Variants in KIF1A observed in about 807,000 individuals in gnomAD.
KIF1A encodes the protein kinesin family member 1A, also known as kinesin-like protein KIF1A.
Under a neutral mutation model 227.3 loss-of-function variants are expected in KIF1A, and 46 were observed. The ratio of observed to expected loss-of-function variants is 0.20; its 90% confidence interval spans 0.16 to 0.26. The LOEUF (loss-of-function observed/expected upper bound fraction) is 0.26, where lower values mean the gene tolerates loss of function less well. KIF1A is among the 10% of genes least tolerant of loss of function. The probability of loss-of-function intolerance (pLI) is 1.00; values close to 1 mark genes in which losing one functional copy is unlikely to be tolerated. For missense variants in KIF1A, 1,683 were observed against 2,485.9 expected, an observed-to-expected ratio of 0.68 and a Z score of 6.87; for synonymous variants, 1,022 against 1,012.8, an observed-to-expected ratio of 1.01 and a Z score of -0.17.
chr2:240,794,254 A>G (rs1053522956), intron 2 of KIF1A, among the ~76,000 whole-genome samples: 2 of 152,216 alleles, frequency 1.3e-5, no homozygotes, highest in African/African-American at 4.8e-5. Context: ...CATAGCTTCC[A>G]GCACTTTCTT....
chr2:240,750,292 G>C (rs529005077), intron 28 of KIF1A, 137 bp downstream of exon 28: 4 of 642,854 alleles, frequency 6.2e-6, no homozygotes, highest in Admixed American at 2.6e-5. Context: ...GGAGAGTGGA[G>C]GGCCAGCTGA....
chr2:240,768,534 C>G (rs2125933663), intron 17 of KIF1A, among the ~76,000 whole-genome samples: 1 of 152,260 alleles, frequency 6.6e-6, no homozygotes, highest in South Asian at 2.1e-4. Context: ...ACAAGAAAGA[C>G]TTTTTCCCAA....
At position 240,758,407 on chromosome 2, in the gene KIF1A, G is replaced by A. The variant is rs774481344; in HGVS notation, c.2535C>T (p.Gly845=). The change falls in exon 26 of 49, where the codon GGC becomes GGT. Residue 845 remains glycine, a synonymous_variant. Coordinates refer to ENST00000498729, the MANE Select transcript of KIF1A (RefSeq NM_001244008.2). This position sits in a 1 kb window ranked among gnomAD's most constrained non-coding sequence, Gnocchi z 5.2. Reference sequence around the variant, plus strand: ...GGAAGCGGTCATAGAAGGGGTCTCCGCCGGTCACCACGTTGTCACAGTCCT... The same window carrying A: ...GGAAGCGGTCATAGAAGGGGTCTCCACCGGTCACCACGTTGTCACAGTCCT... ...VIEDCDNVVT[G]GDPFYDRFPW... is the part of the protein sequence containing the mutation. The A allele has an allele frequency of 1.9e-5, 31 of 1,612,804 alleles. No homozygotes were observed. Among genetic ancestry groups the A allele is most frequent in the Admixed American group, 1.2e-4 (7 of 59,884 alleles).
At chr2:240,773,750 A>C (rs1189496216) in intron 12 of KIF1A, among the ~76,000 whole-genome samples, 5 of 152,126 alleles carry the variant, frequency 3.3e-5, no homozygotes, top group African/African-American at 7.2e-5. Context: ...GAAGGGAGAG[A>C]CCACTGACCC....
intron 28 of KIF1A, among the ~76,000 whole-genome samples, chr2:240,749,231 G>T (rs2048940417): frequency 6.6e-6 from 1 of 152,194 alleles, no homozygotes; most frequent in Admixed American, 6.5e-5. Flanking sequence ...AAGGCAGCCA[G>T]GATAGCAGAG....
At chr2:240,733,170 A>G (rs79161829) in intron 38 of KIF1A, among the ~76,000 whole-genome samples, 6,896 of 152,074 alleles carry the variant, frequency 0.045, 224 homozygotes, top group South Asian at 0.079. Flanking sequence ...TGAAAGATCA[A>G]TGAGTGCGTG....
At chr2:240,784,909 C>A in intron 7 of KIF1A, 80 bp downstream of exon 7, 1 of 1,130,064 alleles carries the variant, frequency 8.8e-7, no homozygotes. Context: ...TTGTGCTGCC[C>A]CCACTGGCCT....
chr2:240,741,183 AC>A, intron 35 of KIF1A, 85 bp downstream of exon 35: 1 of 870,918 alleles, frequency 1.1e-6, no homozygotes, highest in Non-Finnish European at 1.8e-6. Flanking sequence ...GATGCTGGCA[AC>A]CCTCAGGCAG....
intron 46 of KIF1A, 68 bp from the exon 47 acceptor site, chr2:240,719,266 TCTACCACCCAGAG>T (rs2044968402): frequency 6.6e-7 from 1 of 1,518,200 alleles, no homozygotes; most frequent in Admixed American, 2.1e-5. Flanking sequence ...GCACTCACCA[TCTACCACCCAGAG>T]CTGGGACGCA....
At chr2:240,812,860 CGGGG>C (rs2057999455) in intron 1 of KIF1A, among the ~76,000 whole-genome samples, 1 of 145,558 alleles carries the variant, frequency 6.9e-6, no homozygotes, top group Non-Finnish European at 1.5e-5. Context: ...GCCTTCACCT[CGGGG>C]ATCAGCCTTC....
At chr2:240,812,478 C>G (rs1316225985) in intron 1 of KIF1A, among the ~76,000 whole-genome samples, 2 of 152,178 alleles carry the variant, frequency 1.3e-5, no homozygotes, top group African/African-American at 4.8e-5. Context: ...CAGGGGCCCG[C>G]CTTTACCTCG....
Position 240,766,883 on chromosome 2 carries a change from G to T in KIF1A, c.1684+32C>A. 1 of 1,472,534 alleles carries T rather than the reference G, an allele frequency of 6.8e-7. No individual in the cohort carries two copies. 91.2% of individuals were successfully genotyped at this position (1,472,534 alleles called of 1,614,324 possible). A position where few individuals can be genotyped will look rare whatever the true frequency, so the allele number is the denominator to read the frequency against. ...CCTGATCATCACGGCACAGGGGCAT[G>T]GGTGCGGGTAGGGACGGTAGGGTGG... On this transcript the variant is annotated intron_variant, in intron 19 of 48. Transcript: ENST00000498729. The surrounding 1 kb of genome is among the most constrained non-coding windows in gnomAD (Gnocchi z 5.0).
intron 23 of KIF1A, among the ~76,000 whole-genome samples, chr2:240,762,509 A>C (rs545336235): frequency 1.3e-5 from 2 of 152,348 alleles, no homozygotes; most frequent in African/African-American, 4.8e-5. Context: ...GAGTGTGCAG[A>C]GCTGCTTGCC....
In KIF1A at chr2:240,716,596, C is replaced by T. The variant is rs1009670783; in HGVS notation, c.*768G>A. On this transcript the variant is annotated 3_prime_UTR_variant, in exon 49 of 49. Coordinates refer to ENST00000498729, the MANE Select transcript of KIF1A (RefSeq NM_001244008.2). ...CTCACCCTTTCCTGGGGAAAGCTGC[C>T]GGAACTCTTCTTGGAGTCACTCCTC... 6.6e-6 allele frequency: 1 copy of T among 152,224 alleles called. No individual in the cohort carries two copies. Among genetic ancestry groups the T allele is most frequent in the African/African-American group, 2.4e-5 (1 of 41,386 alleles). The allele number at this position is 152,224 out of a possible 1,614,324, so 9.4% of individuals were successfully genotyped here.
rs555842583 is a variant in KIF1A, at chr2:240,737,056, G to C, written c.4007+7C>G. The C allele has an allele frequency of 6.2e-7, 1 of 1,607,312 alleles. No individual in the cohort carries two copies. The highest frequency in any genetic ancestry group is 8.5e-7 in the Non-Finnish European group (1 of 1,174,036). ...TGGGCCCTGTCTCCAGGGAGTCTCCGACTCACCGGTCATCTTGGGCTGGGT... is the reference window on the plus strand; with the variant it reads ...TGGGCCCTGTCTCCAGGGAGTCTCCCACTCACCGGTCATCTTGGGCTGGGT... On this transcript the variant is annotated splice_region_variant and intron_variant, in intron 38 of 48. Coordinates refer to ENST00000498729, the MANE Select transcript of KIF1A (RefSeq NM_001244008.2).
At chr2:240,770,928 C>T in intron 15 of KIF1A, 43 bp downstream of exon 15, 3 of 1,601,496 alleles carry the variant, frequency 1.9e-6, no homozygotes, top group Non-Finnish European at 2.5e-6. Context: ...GAGCTCCCCA[C>T]TCCCAGAGTC....
chr2:240,784,736 G>A (rs1444747647), intron 7 of KIF1A, among the ~76,000 whole-genome samples: 1 of 152,146 alleles, frequency 6.6e-6, no homozygotes, highest in African/African-American at 2.4e-5. Context: ...TGGACTGGCT[G>A]TCCAGGCAAA....
chr2:240,718,150 C>G lies in KIF1A; in HGVS notation c.5233G>C (p.Val1745Leu). 1 of 1,606,344 alleles carries G rather than the reference C, an allele frequency of 6.2e-7. No homozygotes were observed. Among genetic ancestry groups the G allele is most frequent in the Non-Finnish European group, 8.5e-7 (1 of 1,176,970 alleles). ...AMLKTPNTFA[V>L]CTEHRGILLQ... The stretch of plus-strand genomic sequence containing the variant: ...AGGATGCCGCGGTGTTCCGTGCACA[C>G]CGCGAATGTGTTGGGTGTCTGCAGA... Residue 1745 changes from valine to leucine, a missense_variant, in exon 48 of 49, where the codon GTG becomes CTG. By Grantham distance (32) the Val-to-Leu change is conservative. Around this residue, in one of 12 missense-constraint regions of KIF1A, gnomAD observed 384 missense variants for 410.1 expected, o/e 0.94. Transcript: ENST00000498729.
chr2:240,746,406 A>G (rs1373458003), intron 29 of KIF1A, among the ~76,000 whole-genome samples: 1 of 152,134 alleles, frequency 6.6e-6, no homozygotes, highest in African/African-American at 2.4e-5. Flanking sequence ...GCCTATGGCC[A>G]TGGGAGTTCT....
Sources: allele counts gnomAD v4.1 joint callset (sites outside exome capture counted in the v4.1 genomes callset), GRCh38; gene constraint gnomAD v4.1.1; regional missense constraint gnomAD v4.1.1; non-coding constraint Gnocchi (gnomAD v3.1); transcripts MANE v1.5; gene names NCBI Gene and HGNC (gene_info 2026-07-23, HGNC 2026-07-21).